C9: variants seen among roughly 807,000 people sequenced by gnomAD.
C9 encodes complement component C9.
In C9, 63 loss-of-function variants were observed where a neutral mutation model predicts 65.4. That is an observed-to-expected ratio of 0.96 (90% CI 0.79 to 1.19). C9 has a LOEUF of 1.19. Ranked by LOEUF, C9 falls within the 50% of genes most tolerant of loss-of-function variation. C9 has a pLI of 0.00. For synonymous variants in C9, 229 were observed against 227.9 expected (o/e 1.00, Z -0.04); for missense variants, 744 against 670.1 (o/e 1.11, Z -1.22).
chr5:39,287,775 G>C (rs1363066544), intron 10 of C9, among the ~76,000 whole-genome samples: 1 of 151,842 alleles, frequency 6.6e-6, no homozygotes, highest in African/African-American at 2.4e-5. Flanking sequence ...CTGAACAATG[G>C]GTATGTATGG....
chr5:39,355,164 G>A (rs1754392820), intron 1 of C9, among the ~76,000 whole-genome samples: 2 of 152,164 alleles, frequency 1.3e-5, no homozygotes, highest in Admixed American at 1.3e-4. Flanking sequence ...CTGCCACTCA[G>A]ACAAGCCTCA....
chr5:39,296,476 G>A (rs1051993793), intron 9 of C9, among the ~76,000 whole-genome samples: 1 of 151,440 alleles, frequency 6.6e-6, no homozygotes, highest in African/African-American at 2.4e-5. Context: ...GAAAAAAAAG[G>A]AACTCATAAC....
chr5:39,335,182 T>C (rs564909741), intron 4 of C9, among the ~76,000 whole-genome samples: 11 of 152,330 alleles, frequency 7.2e-5, no homozygotes, highest in African/African-American at 1.4e-4. Context: ...AGAGACATTG[T>C]ACCTCTTTAT....
Position 39,315,951 on chromosome 5 carries a change from T to C in C9, c.694A>G (p.Thr232Ala). 1 of 1,609,698 alleles carries C rather than the reference T, an allele frequency of 6.2e-7. No homozygotes were observed. The highest frequency in any genetic ancestry group is 1.3e-5 in the African/African-American group (1 of 74,928). ...GATATAGCTGCATTAAAATTTGATG[T>C]CTTCTCTTGGATGATACTTTTAAAT... is the stretch of plus-strand genomic sequence containing the variant. The part of the protein sequence containing the change: ...EAFKSIIQEK[T>A]SNFNAAISLK... The change falls in exon 6 of 11, where the codon ACA becomes GCA. Residue 232 changes from threonine to alanine, a missense_variant. Thr to Ala is a moderately conservative substitution (Grantham distance 58). Transcript: ENST00000263408.
At chr5:39,299,363 T>C (rs1015729550) in intron 9 of C9, among the ~76,000 whole-genome samples, 12 of 152,096 alleles carry the variant, frequency 7.9e-5, no homozygotes, top group African/African-American at 2.7e-4. Context: ...AATTCTGTAT[T>C]CAAATATTTA....
rs552482219 is a variant in C9, at chr5:39,364,393, C to T, written c.72G>A (p.Thr24=). 2.6e-4 allele frequency: 417 copies of T among 1,580,192 alleles called. 5 individuals carry two copies. The South Asian group carries it at 4.0e-3, about 15-fold the overall frequency. The change falls in exon 1 of 11, where the codon ACG becomes ACA. Residue 24 remains threonine, a synonymous_variant. Coordinates refer to ENST00000263408, the MANE Select transcript of C9 (RefSeq NM_001737.5). ...CAGAAAAGTAACTGACTCACCTGGTCGTGTACTGTGCTGTGAGGATGCTTA... is the reference window on the plus strand; with the variant it reads ...CAGAAAAGTAACTGACTCACCTGGTTGTGTACTGTGCTGTGAGGATGCTTA... The part of the protein sequence containing the change: ...LEISILTAQY[T]TSYDPELTES...
chr5:39,333,786 A>AT (rs953582559), intron 4 of C9, among the ~76,000 whole-genome samples: 5 of 150,288 alleles, frequency 3.3e-5, no homozygotes, highest in South Asian at 4.2e-4. Flanking sequence ...TGGTTTTCGT[A>AT]TTTTTTTGGT....
chr5:39,323,271 A>T (rs891489180), intron 5 of C9, among the ~76,000 whole-genome samples: 1 of 152,026 alleles, frequency 6.6e-6, no homozygotes, highest in African/African-American at 2.4e-5. Flanking sequence ...TTCTTAAAAT[A>T]TTCCAAAGAA....
intron 5 of C9, among the ~76,000 whole-genome samples, chr5:39,317,530 C>T (rs183548881): frequency 1.8e-4 from 27 of 152,146 alleles, no homozygotes; most frequent in African/African-American, 6.0e-4. Context: ...TAACATGTAA[C>T]GAAGGGGTCC....
intron 5 of C9, among the ~76,000 whole-genome samples, chr5:39,317,498 C>G (rs1479137096): frequency 6.6e-6 from 1 of 152,144 alleles, no homozygotes; most frequent in Non-Finnish European, 1.5e-5. Flanking sequence ...AGTCTTTAGT[C>G]CATCTTGAGT....
intron 1 of C9, among the ~76,000 whole-genome samples, chr5:39,342,555 A>AT (rs1320056888): frequency 2.0e-5 from 3 of 152,064 alleles, no homozygotes; most frequent in Admixed American, 6.6e-5. Flanking sequence ...ATCTGATTTT[A>AT]TTTTTTTGTG....
intron 6 of C9, among the ~76,000 whole-genome samples, chr5:39,313,639 A>T (rs1753525276): frequency 2.0e-5 from 3 of 152,196 alleles, no homozygotes; most frequent in Admixed American, 6.5e-5. Flanking sequence ...TCTAAGTAGC[A>T]AAGTTCTTGG....
chr5:39,286,389 T>C (rs886562263), intron 10 of C9, among the ~76,000 whole-genome samples: 8 of 151,970 alleles, frequency 5.3e-5, no homozygotes, highest in Admixed American at 3.9e-4. Flanking sequence ...CAATATATAC[T>C]GGAACAATTT....
chr5:39,288,896 T>C lies in C9; in HGVS notation c.1472A>G (p.Lys491Arg), dbSNP rs1753040297. Reference protein sequence around the residue: ...PVKMKNAHLKKQNLERAIEDY... With the variant: ...PVKMKNAHLKRQNLERAIEDY... ...TTCAATGGCTCTTTCCAAGTTTTGTTTCTTTAGGTGTGCATTTTTCATTTT... is the reference window on the plus strand; with the variant it reads ...TTCAATGGCTCTTTCCAAGTTTTGTCTCTTTAGGTGTGCATTTTTCATTTT... Residue 491 changes from lysine (K) to arginine (R), a missense_variant, in exon 10 of 11, where the codon AAA becomes AGA. By Grantham distance (26) the Lys-to-Arg change is conservative (BLOSUM62 2). Coordinates refer to ENST00000263408, the MANE Select transcript of C9 (RefSeq NM_001737.5). The C allele has an allele frequency of 6.2e-7, 1 of 1,611,914 alleles. No individual in the cohort carries two copies. The highest frequency in any genetic ancestry group is 1.3e-5 in the African/African-American group (1 of 74,898).
At chr5:39,329,494 T>G (rs753063209) in intron 5 of C9, among the ~76,000 whole-genome samples, 2 of 152,076 alleles carry the variant, frequency 1.3e-5, no homozygotes, top group Non-Finnish European at 2.9e-5. Flanking sequence ...GGGGCAGAGG[T>G]GGGATTTCAA....
In C9 at chr5:39,341,249, A is replaced by G. The variant is rs1754074998; in HGVS notation, c.373T>C (p.Cys125Arg). 18 of 1,614,072 alleles carry G rather than the reference A, an allele frequency of 1.1e-5. No individual in the cohort carries two copies. Among genetic ancestry groups the G allele is most frequent in the Non-Finnish European group, 1.5e-5 (18 of 1,180,030 alleles). ...TCATCCTCATCTGAAAAGTCTCCGCAGTCATTGTCACCATTACACCGAAGT... is the reference window on the plus strand; with the variant it reads ...TCATCCTCATCTGAAAAGTCTCCGCGGTCATTGTCACCATTACACCGAAGT... ...MRLRCNGDND[C>R]GDFSDEDDCE... The change falls in exon 4 of 11, where the codon TGC becomes CGC. Residue 125 changes from cysteine to arginine, a missense_variant. Physicochemically the swap from Cys to Arg is radical, Grantham distance 180. Coordinates refer to ENST00000263408, the MANE Select transcript of C9 (RefSeq NM_001737.5).
At position 39,330,669 on chromosome 5, in the gene C9, T is replaced by C. The variant is rs145974749; in HGVS notation, c.615+1007A>G. 2.2e-3 allele frequency among the ~76,000 whole-genome samples: 332 copies of C among 152,316 alleles called. 1 individual carries two copies. The highest frequency in any genetic ancestry group is 3.5e-3 in the Non-Finnish European group (236 of 68,016). On this transcript the variant is annotated intron_variant, in intron 5 of 10. Coordinates refer to ENST00000263408, the MANE Select transcript of C9 (RefSeq NM_001737.5). ...CTTAAAGAAGTTTAACCTGGCATTA[T>C]TGGGGAAAACCAACAGCCCAAAAGA...
intron 1 of C9, among the ~76,000 whole-genome samples, chr5:39,350,878 C>T (rs1733520192): frequency 6.6e-6 from 1 of 152,184 alleles, no homozygotes; most frequent in African/African-American, 2.4e-5. Context: ...CACAGTTCTA[C>T]TAGGCAGTGC....
chr5:39,293,523 A>T (rs1387174483), intron 9 of C9, among the ~76,000 whole-genome samples: 1 of 152,038 alleles, frequency 6.6e-6, no homozygotes, highest in Non-Finnish European at 1.5e-5. Context: ...TAACAATTTT[A>T]AATATATATG....
Sources: allele counts gnomAD v4.1 joint callset (sites outside exome capture counted in the v4.1 genomes callset), GRCh38; gene constraint gnomAD v4.1.1; transcripts MANE v1.5; gene names NCBI Gene and HGNC (gene_info 2026-07-23, HGNC 2026-07-21).